The following SIM2 variants were observed in gnomAD, a reference collection of about 807,000 sequenced individuals.
The protein encoded by SIM2 is SIM bHLH transcription factor 2.
In SIM2, 28 loss-of-function variants were observed where a neutral mutation model predicts 64.8. The observed-to-expected ratio is 0.43, with a 90% CI of 0.32 to 0.59. The LOEUF is 0.59. Among genes scored for constraint, SIM2 ranks in the 20% least tolerant of loss-of-function variants. The pLI, the probability that SIM2 is intolerant of heterozygous loss-of-function variation, is 0.07. For synonymous variants in SIM2, 408 were observed against 391.1 expected, an observed-to-expected ratio of 1.04 and a Z score of -0.51; for missense variants, 847 against 871.4, an observed-to-expected ratio of 0.97 and a Z score of 0.35.
At chr21:36,737,830 A>G (rs1033018676) in intron 7 of SIM2, among the ~76,000 whole-genome samples, 4 of 151,804 alleles carry the variant, frequency 2.6e-5, no homozygotes, top group Non-Finnish European at 5.9e-5. Flanking sequence ...GCGTGGTGGC[A>G]TTCGCCTGTA....
At chr21:36,706,433 C>T (rs907593836) in intron 1 of SIM2, among the ~76,000 whole-genome samples, 6 of 152,194 alleles carry the variant, frequency 3.9e-5, no homozygotes, top group African/African-American at 1.4e-4. Flanking sequence ...TTGGGGACCC[C>T]TGGTGCTCCA....
intron 2 of SIM2, chr21:36,709,452 C>G: frequency 2.9e-6 from 2 of 692,902 alleles, no homozygotes; most frequent in Non-Finnish European, 5.3e-6. Flanking sequence ...TACCCTAACC[C>G]TACGTCTGCC....
In SIM2 at chr21:36,705,867, G is replaced by C. The variant is rs1680683237; in HGVS notation, c.176-3301G>C. Among the ~76,000 whole-genome samples the C allele has an allele frequency of 2.0e-5, 3 of 152,334 alleles. No homozygotes were observed. The South Asian group carries it at 6.2e-4, about 32-fold the overall frequency. ...TTAGATGCCTGAGGTTGCCGGAGGG[G>C]CAGTGAGAGAATCGTCTAACCTGGT... On this transcript the variant is annotated intron_variant, in intron 1 of 10. Coordinates refer to ENST00000290399, the MANE Select transcript of SIM2 (RefSeq NM_005069.6).
chr21:36,702,178 C>T (rs542050297), intron 1 of SIM2, among the ~76,000 whole-genome samples: 1 of 152,106 alleles, frequency 6.6e-6, no homozygotes, highest in Non-Finnish European at 1.5e-5. Context: ...TGCTGGGCCC[C>T]GAGTTTGGGC....
chr21:36,716,543 C>G (rs904945542), intron 3 of SIM2, among the ~76,000 whole-genome samples: 2 of 152,014 alleles, frequency 1.3e-5, no homozygotes, highest in Non-Finnish European at 2.9e-5. Context: ...TAACTTGAAC[C>G]CTGAAACCCA....
rs2089223060 is a variant in SIM2, at chr21:36,745,951, C to T, written c.1576+815C>T. ...CCATTGCACCGAGACCTAACTGCCGCTCAGAGTGTAGACCGAGATGGTGCA... is the reference window on the plus strand; with the variant it reads ...CCATTGCACCGAGACCTAACTGCCGTTCAGAGTGTAGACCGAGATGGTGCA... On this transcript the variant is annotated intron_variant, in intron 10 of 10. Transcript: ENST00000290399. This position sits in a 1 kb window ranked among gnomAD's most constrained non-coding sequence, Gnocchi z 4.8. 8.0e-7 allele frequency: 1 copy of T among 1,242,338 alleles called. No individual in the cohort carries two copies. The highest frequency in any genetic ancestry group is 1.5e-5 in the African/African-American group (1 of 65,258). The allele number at this position is 1,242,338 out of a possible 1,614,324, so 77.0% of individuals were successfully genotyped here.
intron 7 of SIM2, 68 bp from the exon 8 acceptor site, chr21:36,741,649 T>C (rs768000658): frequency 2.5e-4 from 389 of 1,570,126 alleles, no homozygotes; most frequent in Non-Finnish European, 3.2e-4. Flanking sequence ...GAGGTCACCG[T>C]TGGGGGCAGC....
At chr21:36,724,826 A>C (rs2088868767) in intron 5 of SIM2, among the ~76,000 whole-genome samples, 1 of 152,198 alleles carries the variant, frequency 6.6e-6, no homozygotes, top group South Asian at 2.1e-4. Context: ...TGACCCTGTC[A>C]AGATTTCACA....
At chr21:36,737,390 G>A (rs1358090417) in intron 7 of SIM2, among the ~76,000 whole-genome samples, 1 of 152,168 alleles carries the variant, frequency 6.6e-6, no homozygotes, top group Non-Finnish European at 1.5e-5. Context: ...CGCTTTCTTT[G>A]TTTCATGTTT....
rs1232200191 is a variant in SIM2 at position 36,747,920 on chromosome 21, C to A, written c.1832C>A (p.Pro611Gln). Reference protein sequence around the residue: ...NYHRVLARRGPLGGAAPAASG... With the variant: ...NYHRVLARRGQLGGAAPAASG... Reference sequence around the variant, plus strand: ...CACCGCGTGCTGGCCCGGCGCGGACCGCTGGGGGGCGCCGCACCCGCCGCC... The same window carrying A: ...CACCGCGTGCTGGCCCGGCGCGGACAGCTGGGGGGCGCCGCACCCGCCGCC... Residue 611 changes from proline (P) to glutamine (Q), a missense_variant, in exon 11 of 11, where the codon CCG becomes CAG. Coordinates refer to ENST00000290399, the MANE Select transcript of SIM2 (RefSeq NM_005069.6). This position sits in a 1 kb window ranked among gnomAD's most constrained non-coding sequence, Gnocchi z 4.5. 1 of 1,039,888 alleles carries A rather than the reference C, an allele frequency of 9.6e-7. No individual in the cohort carries two copies. Among genetic ancestry groups the A allele is most frequent in the Non-Finnish European group, 1.2e-6 (1 of 863,228 alleles). 64.4% of individuals were successfully genotyped at this position (1,039,888 alleles called of 1,614,324 possible). A position where few individuals can be genotyped will look rare whatever the true frequency, so the allele number is the denominator to read the frequency against.
Position 36,712,575 on chromosome 21 carries a change from A to C in SIM2, c.301A>C (p.Ile101Leu), listed in dbSNP as rs775828168. The C allele has an allele frequency of 1.2e-6, 2 of 1,613,812 alleles. No individual in the cohort carries two copies. The highest frequency in any genetic ancestry group is 1.7e-5 in the Admixed American group (1 of 59,958). ...FVFVVASDGK[I>L]MYISETASVH... ...TTTTGTGGTAGCATCTGATGGCAAA[A>C]TCATGTATATATCCGAGACCGCTTC... Residue 101 changes from isoleucine to leucine, a missense_variant, in exon 3 of 11, where the codon ATC becomes CTC. Transcript: ENST00000290399.
Position 36,745,948 on chromosome 21 carries a change from C to A in SIM2, c.1576+812C>A, listed in dbSNP as rs1440208505. ...TTCCCATTGCACCGAGACCTAACTG[C>A]CGCTCAGAGTGTAGACCGAGATGGT... On this transcript the variant is annotated intron_variant, in intron 10 of 10. Transcript: ENST00000290399. The surrounding 1 kb of genome is among the most constrained non-coding windows in gnomAD (Gnocchi z 4.8). The A allele has an allele frequency of 8.0e-7, 1 of 1,244,960 alleles. No homozygotes were observed. Among genetic ancestry groups the A allele is most frequent in the Non-Finnish European group, 1.0e-6 (1 of 956,656 alleles). The allele number at this position is 1,244,960 out of a possible 1,614,324, so 77.1% of individuals were successfully genotyped here.
At chr21:36,700,279 A>AT (rs34394859) in intron 1 of SIM2, among the ~76,000 whole-genome samples, 142,553 of 151,626 alleles carry the variant, frequency 0.94, 67,210 homozygotes, top group Non-Finnish European at 0.98. Flanking sequence ...TTTGGTTTGG[A>AT]TTTTTTTCTC....
chr21:36,719,681 C>A, intron 3 of SIM2, 140 bp from the exon 4 acceptor site: 1 of 627,008 alleles, frequency 1.6e-6, no homozygotes, highest in African/African-American at 1.8e-5. Context: ...ACTGTTTCTG[C>A]GTTTGGCAAA....
At chr21:36,702,445 C>A (rs8130149) in intron 1 of SIM2, among the ~76,000 whole-genome samples, 3 of 152,092 alleles carry the variant, frequency 2.0e-5, no homozygotes, top group Admixed American at 6.5e-5. Flanking sequence ...GACCTGGAGC[C>A]GGTGGACTCA....
At chr21:36,719,702 G>A in intron 3 of SIM2, 119 bp from the exon 4 acceptor site, 1 of 683,448 alleles carries the variant, frequency 1.5e-6, no homozygotes, top group Non-Finnish European at 2.7e-6. Flanking sequence ...GGTGTGGGTT[G>A]TCAGCAGAGA....
chr21:36,710,494 C>T (rs1333613197), intron 2 of SIM2: 1 of 152,180 alleles, frequency 6.6e-6, no homozygotes, highest in Admixed American at 6.5e-5. Flanking sequence ...GCCTCATCAA[C>T]GACCCGATTC....
Position 36,743,481 on chromosome 21 carries a change from G to C in SIM2, c.1093G>C (p.Glu365Gln), listed in dbSNP as rs760229622. The C allele has an allele frequency of 3.1e-6, 5 of 1,613,992 alleles. No individual in the cohort carries two copies. In the African/African-American group the frequency reaches 5.3e-5, roughly 17 times the overall value. Residue 365 changes from glutamate (E) to glutamine (Q), a missense_variant, in exon 9 of 11, where the codon GAA becomes CAA. This residue lies in a region of SIM2 where 447 missense variants were observed against 414.6 expected (regional missense o/e 1.08). Transcript: ENST00000290399. The part of the protein sequence containing the change: ...SWRTALSTSQ[E>Q]TRKLVKPKNT... ...GAGGACCGCCTTGTCTACCTCACAA[G>C]AAACTAGGAAATTAGTGAAACCCAA...
Position 36,719,795 on chromosome 21 carries a change from T to C in SIM2, c.349-26T>C, listed in dbSNP as rs751586941. On this transcript the variant is annotated intron_variant, in intron 3 of 10. Coordinates refer to ENST00000290399, the MANE Select transcript of SIM2 (RefSeq NM_005069.6). ...CGCCAATCCCAGAGAGGCGGTGGCA[T>C]TTCTGACCCTTCCCTTCCACGGCAG... is the stretch of plus-strand genomic sequence containing the variant. 6.2e-6 allele frequency: 9 copies of C among 1,454,312 alleles called. No homozygotes were observed. The South Asian group carries it at 1.0e-4, about 17-fold the overall frequency. 90.1% of individuals were successfully genotyped at this position (1,454,312 alleles called of 1,614,324 possible).
Sources: gnomAD v4.1 joint callset for allele counts (sites outside exome capture counted in the v4.1 genomes callset) on GRCh38, gnomAD v4.1.1 for gene constraint, gnomAD v4.1.1 regional missense constraint, Gnocchi (gnomAD v3.1) non-coding constraint, MANE v1.5 for transcripts, NCBI Gene and HGNC (gene_info 2026-07-23, HGNC 2026-07-21) for gene names.